The following FBXL2 variants were observed in gnomAD, a reference collection of about 807,000 sequenced individuals.
FBXL2 encodes the protein F-box and leucine rich repeat protein 2, also known as F-box/LRR-repeat protein 2.
Under a neutral mutation model 69.2 loss-of-function variants are expected in FBXL2, and 38 were observed. The observed-to-expected ratio is 0.55, with a 90% CI of 0.42 to 0.72. The LOEUF (loss-of-function observed/expected upper bound fraction) is 0.72, where lower values mean the gene tolerates loss of function less well. Among genes scored for constraint, FBXL2 ranks in the 30% least tolerant of loss-of-function variants. The pLI is 0.00. For synonymous variants in FBXL2, 192 were observed against 201.3 expected (o/e 0.95, Z 0.39); for missense variants, 354 against 520.3 (o/e 0.68, Z 3.11).
intron 10 of FBXL2, among the ~76,000 whole-genome samples, chr3:33,376,548 T>C (rs1040503780): frequency 5.3e-5 from 8 of 152,350 alleles, no homozygotes; most frequent in South Asian, 2.1e-4. Flanking sequence ...GAAATGTTAT[T>C]CATGCACCCA....
chr3:33,318,911 T>A (rs1157627302), intron 2 of FBXL2, among the ~76,000 whole-genome samples: 1 of 152,204 alleles, frequency 6.6e-6, no homozygotes, highest in Non-Finnish European at 1.5e-5. Flanking sequence ...GTTACATGGC[T>A]GTACGTACCT....
intron 12 of FBXL2, among the ~76,000 whole-genome samples, chr3:33,394,688 GT>G (rs2043899499): frequency 6.6e-6 from 1 of 152,124 alleles, no homozygotes; most frequent in Non-Finnish European, 1.5e-5. Context: ...GGGTCTGTGA[GT>G]ATAGAAACCC....
intron 5 of FBXL2, among the ~76,000 whole-genome samples, 169 bp downstream of exon 5, chr3:33,364,888 C>T (rs1403602747): frequency 2.0e-5 from 3 of 152,134 alleles, no homozygotes; most frequent in African/African-American, 7.2e-5. Flanking sequence ...GGTTGGAAAC[C>T]GAGCTGTACT....
At chr3:33,380,711 CCTGT>C (rs1245861672) in intron 13 of FBXL2, among the ~76,000 whole-genome samples, 1 of 152,092 alleles carries the variant, frequency 6.6e-6, no homozygotes, top group African/African-American at 2.4e-5. Context: ...CCCTCTCCTC[CCTGT>C]CTCTTTCATG....
At chr3:33,374,686 A>G (rs1008072499) in intron 9 of FBXL2, among the ~76,000 whole-genome samples, 22 of 152,342 alleles carry the variant, frequency 1.4e-4, no homozygotes, top group African/African-American at 5.3e-4. Flanking sequence ...GAAGTATAAT[A>G]TAGATGTGCG....
intron 14 of FBXL2, among the ~76,000 whole-genome samples, chr3:33,384,743 A>G (rs2043299570): frequency 6.6e-6 from 1 of 152,100 alleles, no homozygotes; most frequent in East Asian, 1.9e-4. Context: ...TAGCCCTTAT[A>G]AGAAAGCCTA....
intron 2 of FBXL2, among the ~76,000 whole-genome samples, chr3:33,337,928 A>G (rs2039716082): frequency 6.6e-6 from 1 of 152,226 alleles, no homozygotes; most frequent in Non-Finnish European, 1.5e-5. Flanking sequence ...AGATCTCTAC[A>G]ATGAGAATTA....
At chr3:33,277,355 G>A (rs2125649938), upstream of FBXL2, 1 of 712,854 alleles carries the variant, frequency 1.4e-6, no homozygotes, top group East Asian at 3.4e-5. Flanking sequence ...GGTCCAAAGG[G>A]CACCGCCCCT....
intron 12 of FBXL2, among the ~76,000 whole-genome samples, chr3:33,398,864 C>A (rs2044113131): frequency 6.6e-6 from 1 of 152,178 alleles, no homozygotes; most frequent in Admixed American, 6.5e-5. Context: ...ACCCCAGCTC[C>A]CCGACCCTGA....
chr3:33,354,990 A>G (rs2041094978), intron 2 of FBXL2, among the ~76,000 whole-genome samples: 1 of 152,176 alleles, frequency 6.6e-6, no homozygotes. Flanking sequence ...TCTGTTGCCC[A>G]GGTTCATAGC....
intron 1 of FBXL2, among the ~76,000 whole-genome samples, chr3:33,293,298 G>T (rs902915383): frequency 1.3e-5 from 2 of 152,188 alleles, no homozygotes; most frequent in Non-Finnish European, 2.9e-5. Context: ...CTTGTGGCAG[G>T]TTCTATCACT....
At chr3:33,338,951 C>G (rs2039796527) in intron 2 of FBXL2, among the ~76,000 whole-genome samples, 1 of 152,124 alleles carries the variant, frequency 6.6e-6, no homozygotes, top group Admixed American at 6.6e-5. Flanking sequence ...TAAAGAGCTT[C>G]TGCACAGCAA....
intron 2 of FBXL2, among the ~76,000 whole-genome samples, chr3:33,324,686 T>C (rs1456066477): frequency 6.6e-6 from 1 of 152,214 alleles, no homozygotes; most frequent in Admixed American, 6.5e-5. Flanking sequence ...ACCAGTACCA[T>C]GCTGTTTTGG....
At chr3:33,298,836 A>C (rs923504393) in intron 2 of FBXL2, among the ~76,000 whole-genome samples, 1 of 151,766 alleles carries the variant, frequency 6.6e-6, no homozygotes, top group Non-Finnish European at 1.5e-5. Context: ...CTGATACTCC[A>C]CAAAACAACA....
chr3:33,368,067 CATAGTT>C (rs1212776769), intron 5 of FBXL2, among the ~76,000 whole-genome samples: 6 of 152,168 alleles, frequency 3.9e-5, no homozygotes, highest in Non-Finnish European at 7.3e-5. Context: ...GATCACAGAA[CATAGTT>C]ATACCCTGAA....
intron 2 of FBXL2, among the ~76,000 whole-genome samples, chr3:33,327,362 G>A (rs2038780242): frequency 6.6e-6 from 1 of 151,726 alleles, no homozygotes; most frequent in South Asian, 2.1e-4. Flanking sequence ...CAAATATCTT[G>A]TTCTTTCCTC....
chr3:33,409,918 G>A, the FBXL2 span, among the ~76,000 whole-genome samples: 1 of 152,156 alleles, frequency 6.6e-6, no homozygotes, highest in African/African-American at 2.4e-5. Flanking sequence ...CTCCACCTTG[G>A]ACTGTCTGCT....
intron 1 of FBXL2, among the ~76,000 whole-genome samples, chr3:33,290,264 C>T (rs74846121): frequency 1.5e-3 from 229 of 152,278 alleles, no homozygotes; most frequent in African/African-American, 4.8e-3. Context: ...AATCTCAAAC[C>T]CAGCTCAACT....
intron 2 of FBXL2, among the ~76,000 whole-genome samples, chr3:33,322,881 T>C (rs866306455): frequency 1.3e-5 from 2 of 152,194 alleles, no homozygotes; most frequent in Admixed American, 6.6e-5. Flanking sequence ...TATGTTTTAT[T>C]CTTTCCTTGA....
Sources: gnomAD v4.1 joint callset for allele counts (sites outside exome capture counted in the v4.1 genomes callset) on GRCh38, gnomAD v4.1.1 for gene constraint, MANE v1.5 for transcripts, NCBI Gene and HGNC (gene_info 2026-07-23, HGNC 2026-07-21) for gene names.